NOL10: variants seen among roughly 807,000 people sequenced by gnomAD.
NOL10 encodes the protein H_NH0074G24.1.
In NOL10, 58 loss-of-function variants were observed where a neutral mutation model predicts 103.5. The observed-to-expected ratio is 0.56, with a 90% CI of 0.45 to 0.70. The LOEUF (loss-of-function observed/expected upper bound fraction) is 0.70. Among genes scored for constraint, NOL10 ranks in the 30% least tolerant of loss-of-function variants. The pLI, the probability that NOL10 is intolerant of heterozygous loss-of-function variation, is 0.00. For synonymous variants in NOL10, 287 were observed against 282.5 expected, an observed-to-expected ratio of 1.02 and a Z score of -0.16; for missense variants, 763 against 807.3, an observed-to-expected ratio of 0.95 and a Z score of 0.67.
chr2:10,628,472 C>T (rs6733161), intron 13 of NOL10, among the ~76,000 whole-genome samples: 32,643 of 152,034 alleles, frequency 0.21, 4,580 homozygotes, highest in East Asian at 0.44. Flanking sequence ...TCACCCATTC[C>T]GCTAACTGTA....
intron 9 of NOL10, among the ~76,000 whole-genome samples, chr2:10,660,073 A>G (rs1221675851): frequency 1.3e-5 from 2 of 152,062 alleles, no homozygotes; most frequent in African/African-American, 2.4e-5. Flanking sequence ...GAAGTGGACA[A>G]TATCACTATC....
At position 10,657,795 on chromosome 2, in the gene NOL10, C is replaced by T; in HGVS notation, c.853G>A (p.Asp285Asn). Residue 285 changes from aspartate (D) to asparagine (N), a missense_variant, in exon 11 of 21, where the codon GAT becomes AAT. Physicochemically the swap from Asp to Asn is conservative, Grantham distance 23. Coordinates refer to ENST00000381685, the MANE Select transcript of NOL10 (RefSeq NM_024894.4). ...CGAGAGTCAGCAGACAAAATCAGAT[C>T]TAATGAATCCTGGAAATGAACGGAC... ...IKSVHFQDSLDLILSADSRIV... is the reference protein window; with the variant it reads ...IKSVHFQDSLNLILSADSRIV... 4.5e-6 allele frequency: 7 copies of T among 1,551,282 alleles called. No individual in the cohort carries two copies. The highest frequency in any genetic ancestry group is 6.1e-6 in the Non-Finnish European group (7 of 1,146,776).
chr2:10,660,997 C>A (rs553812743), intron 9 of NOL10, among the ~76,000 whole-genome samples: 1 of 151,182 alleles, frequency 6.6e-6, no homozygotes, highest in Non-Finnish European at 1.5e-5. Flanking sequence ...CTAGTTTTAA[C>A]ACTCGGGTAT....
chr2:10,647,476 T>C lies in NOL10; in HGVS notation c.974-3104A>G, dbSNP rs1222157226. On this transcript the variant is annotated intron_variant, in intron 12 of 20. Coordinates refer to ENST00000381685, the MANE Select transcript of NOL10 (RefSeq NM_024894.4). ...TGTGATCATTTTCCTAGTAATTCATTTGTATTGTCTTTTACAGACGTATCA... is the reference window on the plus strand; with the variant it reads ...TGTGATCATTTTCCTAGTAATTCATCTGTATTGTCTTTTACAGACGTATCA... 2.0e-5 allele frequency among the ~76,000 whole-genome samples: 3 copies of C among 152,236 alleles called. No individual in the cohort carries two copies. The East Asian group carries it at 5.8e-4, about 29-fold the overall frequency.
At chr2:10,623,361 G>A (rs1677258906) in intron 13 of NOL10, among the ~76,000 whole-genome samples, 1 of 152,024 alleles carries the variant, frequency 6.6e-6, no homozygotes, top group African/African-American at 2.4e-5. Flanking sequence ...GGGGCTCGTG[G>A]GTCTTACTTC....
intron 12 of NOL10, among the ~76,000 whole-genome samples, chr2:10,651,873 A>C (rs1427858214): frequency 1.3e-5 from 2 of 152,222 alleles, no homozygotes; most frequent in Non-Finnish European, 2.9e-5. Context: ...AAATTCTCTC[A>C]ACTATTACAG....
intron 1 of NOL10, among the ~76,000 whole-genome samples, chr2:10,686,149 A>C (rs1682184771): frequency 6.6e-6 from 1 of 152,214 alleles, no homozygotes; most frequent in Non-Finnish European, 1.5e-5. Context: ...AGGAAGTAAA[A>C]CAATTAGAAT....
At position 10,572,099 on chromosome 2, in the gene NOL10, C is replaced by T. The variant is rs1248163605; in HGVS notation, c.2039G>A (p.Arg680Lys). The T allele has an allele frequency of 6.2e-7, 1 of 1,613,962 alleles. No individual in the cohort carries two copies. The highest frequency in any genetic ancestry group is 1.3e-5 in the African/African-American group (1 of 75,054). Residue 680 changes from arginine (R) to lysine (K), a missense_variant, in exon 21 of 21, where the codon AGA becomes AAA. Transcript: ENST00000381685. ...LRRSAGHLKS[R>K]HKRGRSFH ...ATGAAACGACCGTCCTCTTTTGTGT[C>T]TTGACTTCAGGTGTCCGGCCGAACG... is the stretch of plus-strand genomic sequence containing the variant.
chr2:10,671,465 C>A, intron 6 of NOL10, 89 bp downstream of exon 6: 1 of 1,065,964 alleles, frequency 9.4e-7, no homozygotes, highest in Non-Finnish European at 1.2e-6. Flanking sequence ...AAGCAAGTTA[C>A]CTAAACAGAG....
rs184770185 is a variant in NOL10, at chr2:10,633,137, C to T, written c.1026+11183G>A. On this transcript the variant is annotated intron_variant, in intron 13 of 20. Coordinates refer to ENST00000381685, the MANE Select transcript of NOL10 (RefSeq NM_024894.4). ...CATCAGAGTGTAACATACTTGGGCTCCTGAAATCCAAGCACAGTTGTCCTT... is the reference window on the plus strand; with the variant it reads ...CATCAGAGTGTAACATACTTGGGCTTCTGAAATCCAAGCACAGTTGTCCTT... Among the ~76,000 whole-genome samples, 20 of 152,264 alleles carry T rather than the reference C, an allele frequency of 1.3e-4. No homozygotes were observed. In the East Asian group the frequency reaches 3.1e-3, roughly 24 times the overall value.
chr2:10,587,226 T>TATAC (rs1553296265), intron 19 of NOL10, among the ~76,000 whole-genome samples: 3 of 52,846 alleles, frequency 5.7e-5, no homozygotes, highest in African/African-American at 3.8e-4. Flanking sequence ...TACATATATA[T>TATAC]ACATATATAT....
At chr2:10,643,336 G>A (rs1475505318) in intron 13 of NOL10, among the ~76,000 whole-genome samples, 1 of 152,132 alleles carries the variant, frequency 6.6e-6, no homozygotes, top group East Asian at 1.9e-4. Flanking sequence ...AGATGATAGT[G>A]GTTACAGAGA....
intron 17 of NOL10, among the ~76,000 whole-genome samples, chr2:10,595,545 G>A (rs1051047478): frequency 6.6e-6 from 1 of 151,794 alleles, no homozygotes; most frequent in Admixed American, 6.6e-5. Flanking sequence ...GATCCTCCCT[G>A]CCTTGGCCTC....
intron 13 of NOL10, among the ~76,000 whole-genome samples, chr2:10,627,960 CAATTT>C (rs1394335870): frequency 2.0e-5 from 3 of 152,136 alleles, no homozygotes; most frequent in East Asian, 3.9e-4. Context: ...AATTTGAACT[CAATTT>C]AAAGTAAATC....
chr2:10,608,261 A>G (rs1221442104), intron 13 of NOL10, among the ~76,000 whole-genome samples: 1 of 152,230 alleles, frequency 6.6e-6, no homozygotes, highest in African/African-American at 2.4e-5. Flanking sequence ...AGTTATCCCA[A>G]TGAAAGGCTG....
intron 13 of NOL10, among the ~76,000 whole-genome samples, chr2:10,642,010 C>T (rs1410366585): frequency 1.3e-5 from 2 of 152,136 alleles, no homozygotes; most frequent in African/African-American, 2.4e-5. Context: ...ACTTGCTGTC[C>T]ATGTTGCTGT....
chr2:10,657,678 A>AG, intron 11 of NOL10, 64 bp downstream of exon 11: 4 of 1,368,934 alleles, frequency 2.9e-6, no homozygotes, highest in Non-Finnish European at 4.0e-6. Flanking sequence ...GGAAAGGGAG[A>AG]GGAAAGGATC....
intron 6 of NOL10, 132 bp downstream of exon 6, chr2:10,671,422 T>C: frequency 2.7e-6 from 2 of 730,658 alleles, no homozygotes; most frequent in Non-Finnish European, 4.0e-6. Context: ...TTTTTTTTTT[T>C]TTTTACAAGA....
chr2:10,678,003 A>T (rs1681448336), intron 3 of NOL10, among the ~76,000 whole-genome samples: 3 of 152,016 alleles, frequency 2.0e-5, no homozygotes, highest in African/African-American at 7.2e-5. Flanking sequence ...GCTATACATA[A>T]AACTTTTAAT....
Sources: gnomAD v4.1 joint callset for allele counts (sites outside exome capture counted in the v4.1 genomes callset) on GRCh38, gnomAD v4.1.1 for gene constraint, MANE v1.5 for transcripts, NCBI Gene and HGNC (gene_info 2026-07-23, HGNC 2026-07-21) for gene names.